The following GPR135 variants were observed in gnomAD, a reference collection of about 807,000 sequenced individuals.
GPR135 encodes G protein-coupled receptor 135, also known as G-protein coupled receptor 135.
A neutral mutation model predicts 15.0 loss-of-function variants in GPR135; 17 were observed. The observed-to-expected ratio is 1.13, with a 90% CI of 0.78 to 1.70. The LOEUF (loss-of-function observed/expected upper bound fraction) is 1.70. Among genes scored for constraint, GPR135 ranks in the 40% most tolerant of loss-of-function variants. The pLI is 0.00. For missense variants in GPR135, 776 were observed against 727.0 expected, an observed-to-expected ratio of 1.07 and a Z score of -0.78; for synonymous variants, 368 against 349.4, an observed-to-expected ratio of 1.05 and a Z score of -0.59.
downstream of GPR135, among the ~76,000 whole-genome samples, chr14:59,457,518 C>A (rs541371598): frequency 6.6e-6 from 1 of 152,012 alleles, no homozygotes; most frequent in Non-Finnish European, 1.5e-5. Context: ...CATTATTTTT[C>A]TCTGTTGTTC....
At position 59,464,694 on chromosome 14, in the gene GPR135, C is replaced by T. The variant is rs1889048478; in HGVS notation, c.533G>A (p.Gly178Glu). Residue 178 changes from glycine to glutamate, a missense_variant, in exon 1 of 1, where the codon GGG becomes GAG. Physicochemically the swap from Gly to Glu is moderately conservative, Grantham distance 98. Coordinates refer to ENST00000395116, the MANE Select transcript of GPR135 (RefSeq NM_022571.6). ...PGGSAPAAAA[G>E]PWRGFCAASR... ...GGCGGCGCAGAAGCCGCGCCAGGGC[C>T]CCGCGGCGGCGGCAGGCGCCGAACC... 3 of 1,575,184 alleles carry T rather than the reference C, an allele frequency of 1.9e-6. No individual in the cohort carries two copies. Among genetic ancestry groups the T allele is most frequent in the Non-Finnish European group, 2.6e-6 (3 of 1,165,018 alleles).
downstream of GPR135, among the ~76,000 whole-genome samples, chr14:59,457,554 T>C (rs1339217326): frequency 6.6e-6 from 1 of 152,304 alleles, no homozygotes; most frequent in East Asian, 1.9e-4. Context: ...TATTGAACTA[T>C]ATTCAAGTTT....
At chr14:59,452,959 A>G (rs1888538840) in intron 6 of GPR135, among the ~76,000 whole-genome samples, 1 of 152,198 alleles carries the variant, frequency 6.6e-6, no homozygotes, top group Non-Finnish European at 1.5e-5. Context: ...CATATTACTA[A>G]GCGAAAAAAG....
downstream of GPR135, among the ~76,000 whole-genome samples, chr14:59,456,894 T>C (rs76350546): frequency 0.026 from 3,983 of 152,300 alleles, 91 homozygotes; most frequent in Non-Finnish European, 0.041. Context: ...AATGTGTATA[T>C]AGTATGCTAA....
Position 59,463,647 on chromosome 14 carries a change from T to A in GPR135, c.*95A>T. 2.5e-6 allele frequency: 3 copies of A among 1,209,488 alleles called. No homozygotes were observed. The highest frequency in any genetic ancestry group is 3.4e-6 in the Non-Finnish European group (3 of 874,786). The allele number at this position is 1,209,488 out of a possible 1,614,324, so 74.9% of individuals were successfully genotyped here. On this transcript the variant is annotated 3_prime_UTR_variant, in exon 1 of 1. Coordinates refer to ENST00000395116, the MANE Select transcript of GPR135 (RefSeq NM_022571.6). ...TCCCCCGTCTCTAGCTTTAAATGTTTGGCTTTATGAAATCCACAACTCTCC... is the reference window on the plus strand; with the variant it reads ...TCCCCCGTCTCTAGCTTTAAATGTTAGGCTTTATGAAATCCACAACTCTCC...
downstream of GPR135, among the ~76,000 whole-genome samples, chr14:59,458,481 C>T (rs1484193052): frequency 6.6e-6 from 1 of 152,132 alleles, no homozygotes; most frequent in African/African-American, 2.4e-5. Context: ...TTGAGAATGC[C>T]TTAGACTTGA....
Position 59,462,892 on chromosome 14 carries a change from C to T in GPR135, c.*850G>A, listed in dbSNP as rs929481602. The T allele has an allele frequency of 6.6e-6, 1 of 152,074 alleles. No individual in the cohort carries two copies. Among genetic ancestry groups the T allele is most frequent in the Non-Finnish European group, 1.5e-5 (1 of 67,988 alleles). The allele number at this position is 152,074 out of a possible 1,614,324, so 9.4% of individuals were successfully genotyped here. A position where few individuals can be genotyped will look rare whatever the true frequency, so the allele number is the denominator to read the frequency against. ...TACCTCAAAAGACAAAAATTTTCTA[C>T]AATGAAAATATTTTTTTAAATGTGA... On this transcript the variant is annotated 3_prime_UTR_variant, in exon 1 of 1. Coordinates refer to ENST00000395116, the MANE Select transcript of GPR135 (RefSeq NM_022571.6).
downstream of GPR135, among the ~76,000 whole-genome samples, chr14:59,457,863 C>T (rs1217619112): frequency 1.3e-5 from 2 of 151,994 alleles, no homozygotes; most frequent in African/African-American, 2.4e-5. Context: ...GGGTACGGTT[C>T]ATATTTTCCT....
chr14:59,453,741 T>A (rs771925077), intron 6 of GPR135, among the ~76,000 whole-genome samples: 2 of 152,234 alleles, frequency 1.3e-5, no homozygotes, highest in African/African-American at 2.4e-5. Flanking sequence ...AGGGACTTGA[T>A]GATTGGCAGG....
chr14:59,461,003 T>C lies in GPR135; in HGVS notation c.*2739A>G, dbSNP rs1594893245. The C allele has an allele frequency of 6.6e-6, 1 of 152,364 alleles. No individual in the cohort carries two copies. The highest frequency in any genetic ancestry group is 1.9e-4 in the East Asian group (1 of 5,192). 9.4% of individuals were successfully genotyped at this position (152,364 alleles called of 1,614,324 possible). On this transcript the variant is annotated 3_prime_UTR_variant, in exon 1 of 1. Transcript: ENST00000395116. ...ATCTCTTGCTTCCAAGTTCATCTCT[T>C]TTCTTTGATAGCCTCTTCTGAAAGT... is the stretch of plus-strand genomic sequence containing the variant.
intron 6 of GPR135, among the ~76,000 whole-genome samples, chr14:59,453,337 A>G (rs1366506655): frequency 6.6e-6 from 1 of 152,182 alleles, no homozygotes; most frequent in Non-Finnish European, 1.5e-5. Flanking sequence ...TGGGGCAAAG[A>G]ATAAATGGGA....
At chr14:59,456,653 TACAAA>T (rs886898840), downstream of GPR135, 156 of 152,328 alleles carry the variant, frequency 1.0e-3, no homozygotes, top group African/African-American at 3.7e-3. Context: ...CCTGCACACA[TACAAA>T]ATGTTTTATG....
At position 59,463,468 on chromosome 14, in the gene GPR135, T is replaced by C. The variant is rs1467098671; in HGVS notation, c.*274A>G. On this transcript the variant is annotated 3_prime_UTR_variant, in exon 1 of 1. Coordinates refer to ENST00000395116, the MANE Select transcript of GPR135 (RefSeq NM_022571.6). ...TCCTATAATATGAGCTTTTCAGTTA[T>C]AGTGAATGTTATTTTTGTCATTTTT... 1.1e-5 allele frequency: 5 copies of C among 472,414 alleles called. No individual in the cohort carries two copies. Among genetic ancestry groups the C allele is most frequent in the Non-Finnish European group, 1.9e-5 (5 of 267,582 alleles). The allele number at this position is 472,414 out of a possible 1,614,324, so 29.3% of individuals were successfully genotyped here. A position where few individuals can be genotyped will look rare whatever the true frequency, so the allele number is the denominator to read the frequency against.
chr14:59,460,478 T>C (rs910233244), downstream of GPR135: 1 of 152,232 alleles, frequency 6.6e-6, no homozygotes, highest in African/African-American at 2.4e-5. Context: ...ACAGAGGCAG[T>C]ACAGAATAGC....
downstream of GPR135, chr14:59,455,763 T>G (rs1566544614): frequency 6.6e-6 from 1 of 152,242 alleles, no homozygotes; most frequent in East Asian, 1.9e-4. Flanking sequence ...ATAACTGACT[T>G]GAGAAAGAGC....
In GPR135 at chr14:59,464,000, C is replaced by A; in HGVS notation, c.1227G>T (p.Arg409Ser). 1 of 1,614,038 alleles carries A rather than the reference C, an allele frequency of 6.2e-7. No homozygotes were observed. The highest frequency in any genetic ancestry group is 8.5e-7 in the Non-Finnish European group (1 of 1,180,032). Residue 409 changes from arginine (R) to serine (S), a missense_variant, in exon 1 of 1, where the codon AGG (arginine) becomes AGT (serine). Transcript: ENST00000395116. ...GRNREEGYRT[R>S]NVDAFLPSQG... ...GGCTGGGCAGGAAAGCGTCCACATT[C>A]CTAGTCCGGTAGCCCTCCTCGCGGT...
chr14:59,459,671 G>A (rs1424593686), downstream of GPR135, among the ~76,000 whole-genome samples: 3 of 152,214 alleles, frequency 2.0e-5, no homozygotes, highest in Admixed American at 2.0e-4. Context: ...CACTAAAAGT[G>A]TAGACTAGAA....
Position 59,460,924 on chromosome 14 carries a change from T to C in GPR135, c.*2818A>G, listed in dbSNP as rs916970839. ...ATTCTTTCTTCACCTTTTGAGGTAT[T>C]GATTGTCTAAGTATTTACACTGGGT... On this transcript the variant is annotated 3_prime_UTR_variant, in exon 1 of 1. Coordinates refer to ENST00000395116, the MANE Select transcript of GPR135 (RefSeq NM_022571.6). 1 of 152,252 alleles carries C rather than the reference T, an allele frequency of 6.6e-6. No homozygotes were observed. The highest frequency in any genetic ancestry group is 1.5e-5 in the Non-Finnish European group (1 of 68,032). 9.4% of individuals were successfully genotyped at this position (152,252 alleles called of 1,614,324 possible).
Position 59,462,707 on chromosome 14 carries a change from G to A in GPR135, c.*1035C>T, listed in dbSNP as rs1018160153. ...AGTTTTAGAATTTCTCTTTGGAATC[G>A]TTTTCAGTTAGCTAAAAGCCACGTA... On this transcript the variant is annotated 3_prime_UTR_variant, in exon 1 of 1. Transcript: ENST00000395116. 2.0e-5 allele frequency: 3 copies of A among 152,080 alleles called. No homozygotes were observed. Among genetic ancestry groups the A allele is most frequent in the Non-Finnish European group, 4.4e-5 (3 of 68,000 alleles). The allele number at this position is 152,080 out of a possible 1,614,324, so 9.4% of individuals were successfully genotyped here.
Sources: gnomAD v4.1 joint callset for allele counts (sites outside exome capture counted in the v4.1 genomes callset) on GRCh38, gnomAD v4.1.1 for gene constraint, MANE v1.5 for transcripts, NCBI Gene and HGNC (gene_info 2026-07-23, HGNC 2026-07-21) for gene names.